PEX11A: variants seen among roughly 807,000 people sequenced by gnomAD.
PEX11A encodes the protein peroxisomal membrane protein 11A.
A neutral mutation model predicts 14.4 loss-of-function variants in PEX11A; 13 were observed. The observed-to-expected ratio is 0.90, with a 90% confidence interval of 0.59 to 1.43. The LOEUF is 1.43. Ranked by LOEUF, PEX11A falls within the 40% of genes most tolerant of loss-of-function variation. The probability of loss-of-function intolerance (pLI) is 0.00; values close to 1 mark genes in which losing one functional copy is unlikely to be tolerated. For synonymous variants in PEX11A, 101 were observed against 113.0 expected (o/e 0.89, Z 0.67); for missense variants, 290 against 302.8 (o/e 0.96, Z 0.31).
At chr15:89,685,130 G>A (rs902634320) in intron 2 of PEX11A, among the ~76,000 whole-genome samples, 2 of 149,712 alleles carry the variant, frequency 1.3e-5, no homozygotes, top group African/African-American at 5.0e-5. Context: ...CTTGAACCTG[G>A]GAAGCGGAGG....
Position 89,683,296 on chromosome 15 carries a change from T to C in PEX11A, c.*81A>G, listed in dbSNP as rs1341530553. 6 of 944,360 alleles carry C rather than the reference T, an allele frequency of 6.4e-6. No individual in the cohort carries two copies. The highest frequency in any genetic ancestry group is 2.4e-5 in the East Asian group (1 of 41,830). 58.5% of individuals were successfully genotyped at this position (944,360 alleles called of 1,614,324 possible). A position where few individuals can be genotyped will look rare whatever the true frequency, so the allele number is the denominator to read the frequency against. ...ACAAGAACTTAAGCACAGTATGACA[T>C]GGCCTGTGACTTATACAAATGTCTG... On this transcript the variant is annotated 3_prime_UTR_variant, in exon 3 of 3. Coordinates refer to ENST00000300056, the MANE Select transcript of PEX11A (RefSeq NM_003847.3).
chr15:89,681,685 G>A lies in PEX11A; in HGVS notation c.*1692C>T, dbSNP rs1430083445. Reference sequence around the variant, plus strand: ...AATTTTATTTCTCAAATCCCATATCGTGATTGGTTAAACAGACAGCCAAGA... The same window carrying A: ...AATTTTATTTCTCAAATCCCATATCATGATTGGTTAAACAGACAGCCAAGA... On this transcript the variant is annotated 3_prime_UTR_variant, in exon 3 of 3. Coordinates refer to ENST00000300056, the MANE Select transcript of PEX11A (RefSeq NM_003847.3). 15 of 527,538 alleles carry A rather than the reference G, an allele frequency of 2.8e-5. No individual in the cohort carries two copies. The highest frequency in any genetic ancestry group is 9.9e-4 in the Middle Eastern group (2 of 2,026). 32.7% of individuals were successfully genotyped at this position (527,538 alleles called of 1,614,324 possible).
Position 89,681,847 on chromosome 15 carries a change from T to C in PEX11A, c.*1530A>G, listed in dbSNP as rs372695975. 3.4e-5 allele frequency: 9 copies of C among 266,946 alleles called. No individual in the cohort carries two copies. The South Asian group carries it at 3.7e-4, about 11-fold the overall frequency. 16.5% of individuals were successfully genotyped at this position (266,946 alleles called of 1,614,324 possible). ...GGACTGACATCGGCCTCCTACCTGC[T>C]GGCATCCTATTTCTCTACCTCACCT... On this transcript the variant is annotated 3_prime_UTR_variant, in exon 3 of 3. Coordinates refer to ENST00000300056, the MANE Select transcript of PEX11A (RefSeq NM_003847.3).
rs572218719 is a variant in PEX11A at position 89,685,472 on chromosome 15, C to T, written c.172+959G>A. 2.0e-5 allele frequency among the ~76,000 whole-genome samples: 3 copies of T among 151,650 alleles called. No homozygotes were observed. In the South Asian group the frequency reaches 6.3e-4, roughly 32 times the overall value. On this transcript the variant is annotated intron_variant, in intron 2 of 2. Transcript: ENST00000300056. ...CTTCAGTGCCATCCAGAAAAGCTCG[C>T]CCTACCCTTCCCATCCCTCTGCTTG... is the stretch of plus-strand genomic sequence containing the variant.
At chr15:89,690,521 G>C (rs1964812209) in intron 1 of PEX11A, 56 bp downstream of exon 1, 2 of 1,344,170 alleles carry the variant, frequency 1.5e-6, no homozygotes, top group Non-Finnish European at 2.1e-6. Context: ...AGGGGAATAG[G>C]CACGGGAGCC....
rs771174823 is a variant in PEX11A at position 89,683,381 on chromosome 15, C to T, written c.740G>A (p.Arg247His). The change falls in exon 3 of 3, where the codon CGT becomes CAT. Residue 247 changes from arginine to histidine, a missense_variant. By Grantham distance (29) the Arg-to-His change is conservative (BLOSUM62 0). Transcript: ENST00000300056. ...VAYPQMKLKT[R>H] is the part of the protein sequence containing the mutation. ...AGTTCCAAGCCTAAAAACACCCTAACGGGTCTTCAGCTTCATCTGAGGATA... is the reference window on the plus strand; with the variant it reads ...AGTTCCAAGCCTAAAAACACCCTAATGGGTCTTCAGCTTCATCTGAGGATA... 31 of 1,607,414 alleles carry T rather than the reference C, an allele frequency of 1.9e-5. 1 individual carries two copies. Among genetic ancestry groups the T allele is most frequent in the South Asian group, 6.7e-5 (6 of 90,108 alleles).
At chr15:89,688,612 C>T (rs909491339) in intron 1 of PEX11A, among the ~76,000 whole-genome samples, 3 of 151,990 alleles carry the variant, frequency 2.0e-5, no homozygotes, top group South Asian at 4.2e-4. Context: ...AGGCTGGTCC[C>T]GAACTCCTGA....
chr15:89,683,562 A>T lies in PEX11A; in HGVS notation c.559T>A (p.Ser187Thr). Residue 187 changes from serine (S) to threonine (T), a missense_variant, in exon 3 of 3, where the codon TCT (serine) becomes ACT (threonine). Transcript: ENST00000300056. ...AGCAAGGGAGGATGCTGCTTCAGAGATCGGAATAAAAGAAGTAGAAAGGAT... is the reference window on the plus strand; with the variant it reads ...AGCAAGGGAGGATGCTGCTTCAGAGTTCGGAATAAAAGAAGTAGAAAGGAT... ...LQSFLLLLFRSLKQHPPLLLD... is the reference protein window; with the variant it reads ...LQSFLLLLFRTLKQHPPLLLD... 6.2e-7 allele frequency: 1 copy of T among 1,614,208 alleles called. No individual in the cohort carries two copies. Among genetic ancestry groups the T allele is most frequent in the Non-Finnish European group, 8.5e-7 (1 of 1,180,028 alleles).
At position 89,690,137 on chromosome 15, in the gene PEX11A, AAG is replaced by A. The variant is rs1277002410; in HGVS notation, c.56+438_56+439del. Reference sequence around the variant, plus strand: ...AGACTCCGTCTCAAAAGAAAAAAAAAAGAGAGATATTTGAAGTCACACCAAGT... The same window carrying A: ...AGACTCCGTCTCAAAAGAAAAAAAAAAGAGATATTTGAAGTCACACCAAGT... On this transcript the variant is annotated intron_variant, in intron 1 of 2. Transcript: ENST00000300056. Among the ~76,000 whole-genome samples the A allele has an allele frequency of 3.9e-5, 6 of 152,348 alleles. No individual in the cohort carries two copies. The South Asian group carries it at 1.0e-3, about 26-fold the overall frequency.
At chr15:89,689,239 T>G (rs1204414669) in intron 1 of PEX11A, among the ~76,000 whole-genome samples, 1 of 7,000 alleles carries the variant, frequency 1.4e-4, no homozygotes. Flanking sequence ...GTTCTGCCAT[T>G]GTAGTACCTA....
intron 1 of PEX11A, 38 bp downstream of exon 1, chr15:89,690,539 G>A (rs1189692814): frequency 6.6e-7 from 1 of 1,511,946 alleles, no homozygotes; most frequent in East Asian, 2.5e-5. Context: ...GCCGAGTTAG[G>A]GCGAGAAAGG....
chr15:89,687,555 T>A (rs1964695692), intron 1 of PEX11A, among the ~76,000 whole-genome samples: 1 of 152,206 alleles, frequency 6.6e-6, no homozygotes, highest in Non-Finnish European at 1.5e-5. Context: ...CATCACATAG[T>A]CACACATCCA....
chr15:89,687,332 ATTGT>A (rs1348895536), intron 1 of PEX11A, among the ~76,000 whole-genome samples: 1 of 152,220 alleles, frequency 6.6e-6, no homozygotes, highest in African/African-American at 2.4e-5. Flanking sequence ...CAGTTTAAAG[ATTGT>A]TTAATTTTTT....
In PEX11A at chr15:89,682,866, T is replaced by C. The variant is rs1410636447; in HGVS notation, c.*511A>G. The C allele has an allele frequency of 6.4e-6, 1 of 156,700 alleles. No individual in the cohort carries two copies. Among genetic ancestry groups the C allele is most frequent in the Non-Finnish European group, 1.4e-5 (1 of 71,052 alleles). The allele number at this position is 156,700 out of a possible 1,614,324, so 9.7% of individuals were successfully genotyped here. A position where few individuals can be genotyped will look rare whatever the true frequency, so the allele number is the denominator to read the frequency against. The stretch of plus-strand genomic sequence containing the variant: ...GCACAGAGCAAGGACATGAGTGCAG[T>C]GATGGTATAAGGGCCAACAAGTTGA... On this transcript the variant is annotated 3_prime_UTR_variant, in exon 3 of 3. Coordinates refer to ENST00000300056, the MANE Select transcript of PEX11A (RefSeq NM_003847.3).
intron 2 of PEX11A, among the ~76,000 whole-genome samples, chr15:89,685,932 A>T (rs1964669551): frequency 6.6e-6 from 1 of 152,236 alleles, no homozygotes; most frequent in Non-Finnish European, 1.5e-5. Context: ...AAGTAAATTT[A>T]ATAAACACAA....
chr15:89,689,599 A>G (rs1222343268), intron 1 of PEX11A, among the ~76,000 whole-genome samples: 1 of 152,238 alleles, frequency 6.6e-6, no homozygotes, highest in African/African-American at 2.4e-5. Flanking sequence ...TTATGGAACC[A>G]AAAGAAAAAG....
Position 89,683,415 on chromosome 15 carries a change from T to C in PEX11A, c.706A>G (p.Thr236Ala). The change falls in exon 3 of 3, where the codon ACT becomes GCT. Residue 236 changes from threonine to alanine, a missense_variant. By Grantham distance (58) the Thr-to-Ala change is moderately conservative. Transcript: ENST00000300056. ...GLVSSIAGMI[T>A]VAYPQMKLKT... Reference sequence around the variant, plus strand: ...AGCTTCATCTGAGGATATGCCACAGTGATCATGCCTGCTATAGAGGACACA... The same window carrying C: ...AGCTTCATCTGAGGATATGCCACAGCGATCATGCCTGCTATAGAGGACACA... The C allele has an allele frequency of 6.2e-7, 1 of 1,613,992 alleles. No individual in the cohort carries two copies. The highest frequency in any genetic ancestry group is 8.5e-7 in the Non-Finnish European group (1 of 1,179,936).
chr15:89,682,807 T>C lies in PEX11A; in HGVS notation c.*570A>G, dbSNP rs1250698758. The C allele has an allele frequency of 6.5e-6, 1 of 152,704 alleles. No individual in the cohort carries two copies. Among genetic ancestry groups the C allele is most frequent in the African/African-American group, 2.4e-5 (1 of 41,464 alleles). The allele number at this position is 152,704 out of a possible 1,614,324, so 9.5% of individuals were successfully genotyped here. On this transcript the variant is annotated 3_prime_UTR_variant, in exon 3 of 3. Transcript: ENST00000300056. ...GCACCCATAGACACAATTTATACCA[T>C]GAAGGTGCCTGATGCTTTTCTGATT...
intron 2 of PEX11A, among the ~76,000 whole-genome samples, chr15:89,684,438 A>C (rs907445089): frequency 6.6e-6 from 1 of 152,154 alleles, no homozygotes; most frequent in African/African-American, 2.4e-5. Flanking sequence ...TACCAGCTAC[A>C]CTTCTTTAGA....
Sources: allele counts gnomAD v4.1 joint callset (sites outside exome capture counted in the v4.1 genomes callset), GRCh38; gene constraint gnomAD v4.1.1; transcripts MANE v1.5; gene names NCBI Gene and HGNC (gene_info 2026-07-23, HGNC 2026-07-21).